LGSN: variants seen among roughly 807,000 people sequenced by gnomAD.
LGSN encodes the protein lengsin.
In LGSN, 21 loss-of-function variants were observed where a neutral mutation model predicts 19.5. The observed-to-expected ratio is 1.07, with a 90% CI of 0.76 to 1.55. The LOEUF (loss-of-function observed/expected upper bound fraction) is 1.55. Among genes scored for constraint, LGSN ranks in the 40% most tolerant of loss-of-function variants. The pLI, the probability that LGSN is intolerant of heterozygous loss-of-function variation, is 0.00. For missense variants in LGSN, 673 were observed against 608.5 expected (o/e 1.11, Z -1.12); for synonymous variants, 257 against 215.6 (o/e 1.19, Z -1.68).
chr6:63,475,527 A>T, the LGSN span, among the ~76,000 whole-genome samples: 6 of 152,168 alleles, frequency 3.9e-5, no homozygotes, highest in Non-Finnish European at 8.8e-5. Flanking sequence ...AGGCATTTAT[A>T]CAATTGAATA....
At chr6:63,492,029 CA>C in the LGSN span, among the ~76,000 whole-genome samples, 751 of 126,162 alleles carry the variant, frequency 6.0e-3, 8 homozygotes, top group Middle Eastern at 0.02. Context: ...AACTCCATCT[CA>C]AAAAAAAAAA....
the LGSN span, among the ~76,000 whole-genome samples, chr6:63,546,653 C>T: frequency 6.6e-6 from 1 of 151,986 alleles, no homozygotes; most frequent in Non-Finnish European, 1.5e-5. Context: ...TTGCAGTGAG[C>T]TGAGATCGTG....
chr6:63,487,707 G>A, the LGSN span, among the ~76,000 whole-genome samples: 5 of 152,102 alleles, frequency 3.3e-5, no homozygotes, highest in South Asian at 2.1e-4. Flanking sequence ...AGGGCTGAGC[G>A]TGGTTGCTCA....
the LGSN span, among the ~76,000 whole-genome samples, chr6:63,557,758 A>G: frequency 2.0e-5 from 3 of 152,176 alleles, no homozygotes; most frequent in Non-Finnish European, 4.4e-5. Context: ...TAAGGCAGTC[A>G]TGATCTTGAA....
chr6:63,326,899 C>T, the LGSN span, among the ~76,000 whole-genome samples: 2 of 152,326 alleles, frequency 1.3e-5, no homozygotes, highest in East Asian at 3.9e-4. Flanking sequence ...AAAGGGGCTC[C>T]CATAGTGCAG....
chr6:63,550,001 A>T, the LGSN span, among the ~76,000 whole-genome samples: 2 of 152,228 alleles, frequency 1.3e-5, no homozygotes, highest in East Asian at 3.8e-4. Flanking sequence ...TGAGATGAGG[A>T]ACACACTAAT....
chr6:63,571,544 G>C, the LGSN span: 1 of 152,178 alleles, frequency 6.6e-6, no homozygotes, highest in East Asian at 1.9e-4. Flanking sequence ...CGAACATAAA[G>C]AAGAGCTTTA....
At chr6:63,432,198 GAAAAGA>G in the LGSN span, among the ~76,000 whole-genome samples, 4 of 29,458 alleles carry the variant, frequency 1.4e-4, no homozygotes, top group African/African-American at 4.9e-4. Context: ...GAAAAGAAAA[GAAAAGA>G]AAAGAAAAGA....
intron 3 of LGSN, among the ~76,000 whole-genome samples, chr6:63,284,912 A>T (rs1767465729): frequency 6.6e-6 from 1 of 152,214 alleles, no homozygotes; most frequent in Admixed American, 6.5e-5. Context: ...AACCTAGAGG[A>T]TGCTTAACTT....
chr6:63,283,204 A>G (rs913077609), intron 3 of LGSN, among the ~76,000 whole-genome samples: 15 of 152,126 alleles, frequency 9.9e-5, no homozygotes, highest in African/African-American at 3.4e-4. Flanking sequence ...AATGCAAACT[A>G]CTCTCTATTA....
chr6:63,359,769 C>A, the LGSN span, among the ~76,000 whole-genome samples: 11,782 of 152,032 alleles, frequency 0.077, 792 homozygotes, highest in African/African-American at 0.17. Flanking sequence ...TTTTGTTGAT[C>A]TTTTCAAAAA....
chr6:63,518,171 A>C, the LGSN span, among the ~76,000 whole-genome samples: 1 of 152,016 alleles, frequency 6.6e-6, no homozygotes, highest in South Asian at 2.1e-4. Flanking sequence ...AAAAAAAAAA[A>C]AAATCTCAGT....
At chr6:63,330,233 A>C in the LGSN span, among the ~76,000 whole-genome samples, 2 of 152,192 alleles carry the variant, frequency 1.3e-5, no homozygotes, top group South Asian at 2.1e-4. Flanking sequence ...CCACACTGAT[A>C]ATAAGCCCTA....
the LGSN span, among the ~76,000 whole-genome samples, chr6:63,456,208 G>A: frequency 6.6e-6 from 1 of 151,044 alleles, no homozygotes; most frequent in Non-Finnish European, 1.5e-5. Flanking sequence ...CCAGCCCTGG[G>A]GACAGTGGGA....
the LGSN span, among the ~76,000 whole-genome samples, chr6:63,544,131 A>G: frequency 6.6e-6 from 1 of 152,128 alleles, no homozygotes; most frequent in East Asian, 1.9e-4. Context: ...AGTAAAGACT[A>G]CCAGACACTG....
the LGSN span, among the ~76,000 whole-genome samples, chr6:63,481,353 T>C: frequency 1.3e-5 from 2 of 151,706 alleles, no homozygotes; most frequent in Admixed American, 1.3e-4. Context: ...AAAGCTATTT[T>C]TTTTTTTGAG....
the LGSN span, among the ~76,000 whole-genome samples, chr6:63,479,769 T>G: frequency 6.7e-6 from 1 of 148,700 alleles, no homozygotes; most frequent in Non-Finnish European, 1.5e-5. Flanking sequence ...CAAAAAGTGC[T>G]CAATTTGAAC....
At chr6:63,515,618 G>C in the LGSN span, among the ~76,000 whole-genome samples, 1 of 152,182 alleles carries the variant, frequency 6.6e-6, no homozygotes, top group Non-Finnish European at 1.5e-5. Context: ...CATGTATAAA[G>C]CATGGTATTT....
chr6:63,573,023 G>A, the LGSN span, among the ~76,000 whole-genome samples: 8 of 152,096 alleles, frequency 5.3e-5, 1 homozygote, highest in South Asian at 1.7e-3. Flanking sequence ...TTCTGCGGCG[G>A]CCGGGGGCAG....
Sources: gnomAD v4.1 joint callset for allele counts (sites outside exome capture counted in the v4.1 genomes callset) on GRCh38, gnomAD v4.1.1 for gene constraint, MANE v1.5 for transcripts, NCBI Gene and HGNC (gene_info 2026-07-23, HGNC 2026-07-21) for gene names.